INTS1: variants seen among roughly 807,000 people sequenced by gnomAD.
The protein encoded by INTS1 is integrator complex subunit 1.
INTS1 carries 137 observed loss-of-function variants against 241.6 expected under a neutral mutation model. The ratio of observed to expected loss-of-function variants is 0.57; its 90% confidence interval spans 0.49 to 0.65. The LOEUF (loss-of-function observed/expected upper bound fraction) is 0.65, where lower values mean the gene tolerates loss of function less well. Among genes scored for constraint, INTS1 ranks in the 30% least tolerant of loss-of-function variants. INTS1 has a pLI of 0.00. For synonymous variants in INTS1, 1,692 were observed against 1,337.8 expected (o/e 1.26, Z -5.78); for missense variants, 3,073 against 3,032.2 (o/e 1.01, Z -0.32).
rs182741272 is a variant in INTS1 at position 1,500,280 on chromosome 7, C to G, written c.436G>C (p.Val146Leu). Residue 146 changes from valine to leucine, a missense_variant, in exon 4 of 48, where the codon GTG becomes CTG. Transcript: ENST00000404767. ...GCGCGGGTGACCTTCAGCTGCTTCACGGCCCCGCACAGCACGCCCTCGATC... is the reference window on the plus strand; with the variant it reads ...GCGCGGGTGACCTTCAGCTGCTTCAGGGCCCCGCACAGCACGCCCTCGATC... ...DRIEGVLCGA[V>L]KQLKVTRAKP... The G allele has an allele frequency of 3.8e-5, 61 of 1,596,498 alleles. No homozygotes were observed. In the East Asian group the frequency reaches 1.3e-3, roughly 35 times the overall value.
intron 18 of INTS1, among the ~76,000 whole-genome samples, chr7:1,489,090 C>A (rs916299755): frequency 6.6e-6 from 1 of 152,218 alleles, no homozygotes; most frequent in African/African-American, 2.4e-5. Context: ...CCCAGAAGAG[C>A]TGGGGGTGCC....
intron 33 of INTS1, among the ~76,000 whole-genome samples, 151 bp from the exon 34 acceptor site, chr7:1,478,087 G>A (rs1781809113): frequency 6.6e-6 from 1 of 152,104 alleles, no homozygotes; most frequent in African/African-American, 2.4e-5. Context: ...AGTGCAGCCG[G>A]GGCCGGAGAG....
intron 4 of INTS1, 63 bp from the exon 5 acceptor site, chr7:1,500,084 G>C (rs1199124081): frequency 1.3e-6 from 2 of 1,596,566 alleles, no homozygotes; most frequent in African/African-American, 1.3e-5. Flanking sequence ...GCTGGGGTGG[G>C]CCGGGAGGGA....
chr7:1,488,016 G>A, intron 18 of INTS1, 59 bp from the exon 19 acceptor site: 5 of 1,545,434 alleles, frequency 3.2e-6, no homozygotes, highest in Non-Finnish European at 4.5e-6. Flanking sequence ...ACTCCCAGTG[G>A]GCCACGCTCA....
chr7:1,472,091 CCT>C (rs1219142343), intron 44 of INTS1, among the ~76,000 whole-genome samples, 180 bp downstream of exon 44: 2 of 152,214 alleles, frequency 1.3e-5, no homozygotes, highest in African/African-American at 4.8e-5. Flanking sequence ...CCCCTGGGCC[CCT>C]GAGTTTCTAA....
At chr7:1,477,429 G>T in intron 35 of INTS1, 121 bp downstream of exon 35, 1 of 1,174,424 alleles carries the variant, frequency 8.5e-7, no homozygotes, top group South Asian at 1.7e-5. Flanking sequence ...CACATGGCCT[G>T]AGAGCAGGGG....
Position 1,493,170 on chromosome 7 carries a change from G to T in INTS1, c.2069-64C>A. The T allele has an allele frequency of 7.0e-7, 1 of 1,429,640 alleles. No individual in the cohort carries two copies. The highest frequency in any genetic ancestry group is 1.2e-5 in the South Asian group (1 of 86,204). The allele number at this position is 1,429,640 out of a possible 1,614,324, so 88.6% of individuals were successfully genotyped here. On this transcript the variant is annotated intron_variant, in intron 15 of 47. Transcript: ENST00000404767. The surrounding 1 kb of genome is among the most constrained non-coding windows in gnomAD (Gnocchi z 5.3). ...ACAGACCATCAGGCACAGGCAGCGA[G>T]GGAACCGGCCCTGCTCGGGCCGCGT...
chr7:1,495,579 C>G, intron 12 of INTS1, 26 bp from the exon 13 acceptor site: 1 of 1,595,454 alleles, frequency 6.3e-7, no homozygotes, highest in Middle Eastern at 1.7e-4. Context: ...AGCTTAGTGG[C>G]CCATCCGAGC....
rs761749096 is a variant in INTS1, at chr7:1,497,163, G to A, written c.1577C>T (p.Pro526Leu). ...CTTGAACTCCATCTCCAGGTACTGC[G>A]GCTCCTTGCGCTCCTGCATGAGCCC... ...CLGLMQERKE[P>L]QYLEMEFKER... is the part of the protein sequence containing the mutation. Residue 526 changes from proline (P) to leucine (L), a missense_variant, in exon 11 of 48, where the codon CCG (proline) becomes CTG (leucine). Physicochemically the swap from Pro to Leu is moderately conservative, Grantham distance 98. Transcript: ENST00000404767. This position sits in a 1 kb window ranked among gnomAD's most constrained non-coding sequence, Gnocchi z 5.3. 6.2e-6 allele frequency: 10 copies of A among 1,608,722 alleles called. No individual in the cohort carries two copies. The highest frequency in any genetic ancestry group is 4.4e-5 in the South Asian group (4 of 90,388).
At position 1,495,700 on chromosome 7, in the gene INTS1, C is replaced by G. The variant is rs950596505; in HGVS notation, c.1712-147G>C. The G allele has an allele frequency of 6.5e-6, 7 of 1,071,564 alleles. No individual in the cohort carries two copies. In the African/African-American group the frequency reaches 7.9e-5, roughly 12 times the overall value. 66.4% of individuals were successfully genotyped at this position (1,071,564 alleles called of 1,614,324 possible). ...TCTGGACGATTCCCAGCTGGAATAA[C>G]ACCCTGGGAGGCATGGAGTGACCCT... On this transcript the variant is annotated intron_variant, in intron 12 of 47. Transcript: ENST00000404767.
At chr7:1,470,715 C>A in intron 47 of INTS1, 23 bp from the exon 48 acceptor site, 1 of 1,510,264 alleles carries the variant, frequency 6.6e-7, no homozygotes, top group Non-Finnish European at 8.9e-7. Context: ...CGGGGCCCTG[C>A]ACGTCACGCT....
At chr7:1,473,773 A>T (rs1057300078) in intron 41 of INTS1, 80 bp from the exon 42 acceptor site, 2 of 1,561,274 alleles carry the variant, frequency 1.3e-6, no homozygotes, top group African/African-American at 2.7e-5. Context: ...CTGCTCCCAG[A>T]GCCTCAGGGC....
At chr7:1,501,964 C>T (rs571272968) in intron 3 of INTS1, among the ~76,000 whole-genome samples, 14 of 152,208 alleles carry the variant, frequency 9.2e-5, no homozygotes, top group African/African-American at 2.9e-4. Flanking sequence ...GCTTCCAGGC[C>T]CAAGCCCATA....
At position 1,483,818 on chromosome 7, in the gene INTS1, G is replaced by A; in HGVS notation, c.3465C>T (p.Ser1155=). ...ESQDQVFLRW[S]SGETATMHIL... ...TGTGCATGGTGGCTGTCTCCCCGCT[G>A]CTCCAGCGTAGGAAGACCTGGTCCT... is the stretch of plus-strand genomic sequence containing the variant. The change falls in exon 26 of 48, where the codon AGC becomes AGT. Residue 1155 remains serine (S), a synonymous_variant. Coordinates refer to ENST00000404767, the MANE Select transcript of INTS1 (RefSeq NM_001080453.3). 6.2e-7 allele frequency: 1 copy of A among 1,612,524 alleles called. No homozygotes were observed. Among genetic ancestry groups the A allele is most frequent in the Non-Finnish European group, 8.5e-7 (1 of 1,179,564 alleles).
chr7:1,473,180 G>T lies in INTS1; in HGVS notation c.5962C>A (p.Leu1988Met). The change falls in exon 43 of 48, where the codon CTG becomes ATG. Residue 1988 changes from leucine to methionine, a missense_variant. Transcript: ENST00000404767. ...ACCAGGTCACTGTTGTCGAAGGACAGGTCGCTGGGGAGAGAAGATGCTTTC... is the reference window on the plus strand; with the variant it reads ...ACCAGGTCACTGTTGTCGAAGGACATGTCGCTGGGGAGAGAAGATGCTTTC... ...LQKHADPLHD[L>M]SFDNSDLVML... The T allele has an allele frequency of 6.2e-7, 1 of 1,607,860 alleles. No individual in the cohort carries two copies. Among genetic ancestry groups the T allele is most frequent in the Non-Finnish European group, 8.5e-7 (1 of 1,176,284 alleles).
Position 1,470,673 on chromosome 7 carries a change from G to A in INTS1, c.6477C>T (p.Leu2159=), listed in dbSNP as rs1161871901. 1.3e-6 allele frequency: 2 copies of A among 1,571,536 alleles called. No homozygotes were observed. Among genetic ancestry groups the A allele is most frequent in the African/African-American group, 1.4e-5 (1 of 73,930 alleles). ...LLCQEHAAVL[L]HRAFLVGMYG... The stretch of plus-strand genomic sequence containing the variant: ...ACATGCCCACCAGGAAGGCCCGGTG[G>A]AGCAGCACAGCCGCGTGCTCTGTGG... The change falls in exon 48 of 48, where the codon CTC becomes CTT. Residue 2159 remains leucine, a synonymous_variant. Coordinates refer to ENST00000404767, the MANE Select transcript of INTS1 (RefSeq NM_001080453.3).
At chr7:1,479,119 C>T (rs539911546) in intron 31 of INTS1, among the ~76,000 whole-genome samples, 76 of 152,302 alleles carry the variant, frequency 5.0e-4, no homozygotes, top group Non-Finnish European at 9.3e-4. Context: ...CCACGCGGTT[C>T]AAAGGAAAAA....
At chr7:1,490,639 G>C (rs1782506402) in intron 16 of INTS1, among the ~76,000 whole-genome samples, 1 of 152,192 alleles carries the variant, frequency 6.6e-6, no homozygotes, top group African/African-American at 2.4e-5. Context: ...TCACTGACAT[G>C]GTGGCACTCC....
chr7:1,495,604 G>A (rs1782810535), intron 12 of INTS1, 51 bp from the exon 13 acceptor site: 6 of 1,574,272 alleles, frequency 3.8e-6, no homozygotes, highest in Non-Finnish European at 4.3e-6. Flanking sequence ...GGCCATGAGG[G>A]GCTAAGGCAC....
Sources: gnomAD v4.1 joint callset for allele counts (sites outside exome capture counted in the v4.1 genomes callset) on GRCh38, gnomAD v4.1.1 for gene constraint, Gnocchi (gnomAD v3.1) non-coding constraint, MANE v1.5 for transcripts, NCBI Gene and HGNC (gene_info 2026-07-23, HGNC 2026-07-21) for gene names.